Variants in CSMD1 observed in about 807,000 individuals in gnomAD.
The protein encoded by CSMD1 is CUB and sushi domain-containing protein 1.
A neutral mutation model predicts 417.5 loss-of-function variants in CSMD1; 213 were observed. The ratio of observed to expected loss-of-function variants is 0.51; its 90% CI spans 0.46 to 0.57. CSMD1 has a LOEUF of 0.57. Ranked by LOEUF, CSMD1 falls within the 20% of genes least tolerant of loss-of-function variation. CSMD1 has a pLI of 0.00. For synonymous variants in CSMD1, 2,862 were observed against 1,736.8 expected (o/e 1.65, Z -16.11); for missense variants, 6,923 against 4,529.7 (o/e 1.53, Z -15.17).
chr8:3,927,816 A>C (rs1298103537), intron 5 of CSMD1, among the ~76,000 whole-genome samples: 1 of 152,228 alleles, frequency 6.6e-6, no homozygotes, highest in Non-Finnish European at 1.5e-5. Context: ...TAAATTTAAA[A>C]ATATGTCTCT....
At chr8:4,438,277 C>T (rs940829352) in intron 2 of CSMD1, among the ~76,000 whole-genome samples, 5 of 152,142 alleles carry the variant, frequency 3.3e-5, no homozygotes, top group African/African-American at 9.7e-5. Flanking sequence ...TTGAAGAGAC[C>T]TGGGGCTTTC....
intron 3 of CSMD1, among the ~76,000 whole-genome samples, chr8:4,159,548 G>T (rs943356455): frequency 3.9e-5 from 6 of 152,146 alleles, no homozygotes; most frequent in Non-Finnish European, 7.3e-5. Context: ...AAAAAGCAAT[G>T]AATTAATGGT....
intron 2 of CSMD1, among the ~76,000 whole-genome samples, chr8:4,445,119 G>C (rs995929760): frequency 2.0e-5 from 3 of 152,128 alleles, no homozygotes; most frequent in African/African-American, 4.8e-5. Flanking sequence ...AGTATGACTG[G>C]ATAGTAGATA....
At chr8:3,966,613 C>T (rs1444399562) in intron 5 of CSMD1, among the ~76,000 whole-genome samples, 2 of 151,826 alleles carry the variant, frequency 1.3e-5, no homozygotes, top group Admixed American at 6.6e-5. Context: ...TACTCATATT[C>T]ATTATTTTTT....
intron 9 of CSMD1, among the ~76,000 whole-genome samples, chr8:3,578,806 T>G (rs1470855759): frequency 6.6e-6 from 1 of 152,204 alleles, no homozygotes; most frequent in Non-Finnish European, 1.5e-5. Context: ...GCTTCTGTGC[T>G]AAACAGGCAT....
At chr8:3,450,630 T>C (rs377348079) in intron 12 of CSMD1, among the ~76,000 whole-genome samples, 19 of 152,168 alleles carry the variant, frequency 1.2e-4, no homozygotes, top group African/African-American at 4.3e-4. Flanking sequence ...CATGTCCCTA[T>C]AAAGGACATG....
chr8:4,147,566 T>C (rs2131040646), intron 3 of CSMD1, among the ~76,000 whole-genome samples: 1 of 152,306 alleles, frequency 6.6e-6, no homozygotes, highest in East Asian at 1.9e-4. Context: ...AACCTGTTTC[T>C]GGATAATGAT....
At chr8:3,946,430 T>C (rs1811229008) in intron 5 of CSMD1, among the ~76,000 whole-genome samples, 1 of 152,166 alleles carries the variant, frequency 6.6e-6, no homozygotes, top group African/African-American at 2.4e-5. Context: ...TTGGCTACTT[T>C]AGCTCAATAT....
chr8:3,625,109 G>C (rs10503213), intron 7 of CSMD1, among the ~76,000 whole-genome samples: 8,408 of 151,330 alleles, frequency 0.056, 443 homozygotes, highest in East Asian at 0.29. Context: ...CAGAATATTT[G>C]TACAGTCTCT....
At chr8:3,287,765 T>A (rs558225052) in intron 25 of CSMD1, among the ~76,000 whole-genome samples, 1 of 152,076 alleles carries the variant, frequency 6.6e-6, no homozygotes, top group East Asian at 1.9e-4. Context: ...CAATTTGACT[T>A]CCTCTTTTCC....
At chr8:4,910,370 A>G (rs1274005131) in intron 1 of CSMD1, among the ~76,000 whole-genome samples, 1 of 152,206 alleles carries the variant, frequency 6.6e-6, no homozygotes, top group African/African-American at 2.4e-5. Flanking sequence ...TATAAAAAAT[A>G]CTATAAACTG....
rs7819972 is a variant in CSMD1 at position 3,214,227 on chromosome 8, T to C, written c.4867+270A>G. 3.6e-3 allele frequency among the ~76,000 whole-genome samples: 552 copies of C among 151,814 alleles called. 3 individuals carry two copies. Among genetic ancestry groups the C allele is most frequent in the African/African-American group, 0.013 (528 of 41,384 alleles). On this transcript the variant is annotated intron_variant, in intron 30 of 69. Coordinates refer to ENST00000635120, the MANE Select transcript of CSMD1 (RefSeq NM_033225.6). ...ATTAGCACCTCTTATAAAGAACAGA[T>C]CTAGAACACACAAAAACAGAAGTGA...
chr8:3,980,367 G>A (rs987320915), intron 5 of CSMD1, among the ~76,000 whole-genome samples: 1 of 142,096 alleles, frequency 7.0e-6, no homozygotes, highest in African/African-American at 2.6e-5. Context: ...GCTTTAACGC[G>A]GTATTTTAAG....
intron 25 of CSMD1, among the ~76,000 whole-genome samples, chr8:3,290,052 C>T (rs1459727614): frequency 6.8e-6 from 1 of 147,134 alleles, no homozygotes; most frequent in Non-Finnish European, 1.5e-5. Flanking sequence ...TATGGCTAGC[C>T]AGTTTTCCCA....
chr8:3,571,943 T>G (rs1309579347), intron 10 of CSMD1, among the ~76,000 whole-genome samples: 1 of 152,152 alleles, frequency 6.6e-6, no homozygotes, highest in Non-Finnish European at 1.5e-5. Context: ...TACTGCGTGT[T>G]CAAGTTCGTC....
intron 7 of CSMD1, among the ~76,000 whole-genome samples, chr8:3,654,704 C>T (rs1300882944): frequency 1.3e-5 from 2 of 152,184 alleles, no homozygotes; most frequent in Non-Finnish European, 2.9e-5. Context: ...AGAGCCAGCA[C>T]AGGGACACAT....
At chr8:4,834,549 C>A (rs1459952209) in intron 1 of CSMD1, among the ~76,000 whole-genome samples, 3 of 151,732 alleles carry the variant, frequency 2.0e-5, no homozygotes, top group African/African-American at 7.3e-5. Context: ...TGAAAACAAC[C>A]AATAGAAGGG....
intron 4 of CSMD1, among the ~76,000 whole-genome samples, chr8:4,000,713 G>C (rs1440751100): frequency 1.3e-5 from 2 of 151,862 alleles, no homozygotes; most frequent in African/African-American, 2.4e-5. Context: ...TATTTCCAGA[G>C]TAATAATTGT....
chr8:4,683,647 C>T (rs1020016134), intron 1 of CSMD1, among the ~76,000 whole-genome samples: 3 of 152,204 alleles, frequency 2.0e-5, no homozygotes, highest in African/African-American at 7.2e-5. Flanking sequence ...GAGAAGGCGG[C>T]CCTGGAGTGT....
Sources: gnomAD v4.1 joint callset for allele counts (sites outside exome capture counted in the v4.1 genomes callset) on GRCh38, gnomAD v4.1.1 for gene constraint, MANE v1.5 for transcripts, NCBI Gene and HGNC (gene_info 2026-07-23, HGNC 2026-07-21) for gene names.